MAST4: variants seen among roughly 807,000 people sequenced by gnomAD.
MAST4 encodes the protein microtubule-associated serine/threonine-protein kinase 4.
In MAST4, 89 loss-of-function variants were observed where a neutral mutation model predicts 162.7. The ratio of observed to expected loss-of-function variants is 0.55; its 90% confidence interval spans 0.46 to 0.65. The LOEUF is 0.65. Ranked by LOEUF, MAST4 falls within the 30% of genes least tolerant of loss-of-function variation. The pLI is 0.00. For synonymous variants in MAST4, 1,479 were observed against 1,361.1 expected (o/e 1.09, Z -1.91); for missense variants, 3,153 against 3,374.0 (o/e 0.93, Z 1.62).
Position 67,130,361 on chromosome 5 carries a change from A to G in MAST4, c.1897A>G (p.Met633Val). 1 of 1,614,010 alleles carries G rather than the reference A, an allele frequency of 6.2e-7. No homozygotes were observed. The highest frequency in any genetic ancestry group is 1.3e-5 in the African/African-American group (1 of 75,044). ...TFAENPFVVS[M>V]YCSFETRRHL... Reference sequence around the variant, plus strand: ...TGCAGAAAACCCCTTTGTTGTCAGCATGTATTGCTCCTTTGAAACAAGGCG... The same window carrying G: ...TGCAGAAAACCCCTTTGTTGTCAGCGTGTATTGCTCCTTTGAAACAAGGCG... Residue 633 changes from methionine to valine, a missense_variant, in exon 15 of 29, where the codon ATG (methionine) becomes GTG (valine). By Grantham distance (21) the Met-to-Val change is conservative. This residue lies in a region of MAST4 where 131 missense variants were observed against 253.8 expected (regional missense o/e 0.52). Transcript: ENST00000403625.
chr5:66,610,030 C>G (rs1373196507), intron 1 of MAST4, among the ~76,000 whole-genome samples: 2 of 151,956 alleles, frequency 1.3e-5, no homozygotes, highest in Non-Finnish European at 2.9e-5. Context: ...TAGGTTGGTG[C>G]AAAATTATTT....
intron 4 of MAST4, among the ~76,000 whole-genome samples, chr5:66,956,676 T>A (rs534170533): frequency 6.6e-6 from 1 of 152,330 alleles, no homozygotes; most frequent in Admixed American, 6.5e-5. Flanking sequence ...ACATTTGATG[T>A]GTTGTAATAC....
At chr5:66,880,009 T>C (rs1359900062) in intron 3 of MAST4, among the ~76,000 whole-genome samples, 1 of 152,222 alleles carries the variant, frequency 6.6e-6, no homozygotes, top group African/African-American at 2.4e-5. Flanking sequence ...TCCTTTTTAA[T>C]AGCAAAAGAT....
In MAST4 at chr5:67,049,060, C is replaced by CATAT. The variant is rs1554087472; in HGVS notation, c.675-5344_675-5343insATAT. On this transcript the variant is annotated intron_variant, in intron 4 of 28. Transcript: ENST00000403625. Reference sequence around the variant, plus strand: ...ATATATACGTGTATATATATATATACGTATATATATATATATATACACTAC... The same window carrying CATAT: ...ATATATACGTGTATATATATATATACATATGTATATATATATATATATACACTAC... 2.8e-4 allele frequency among the ~76,000 whole-genome samples: 23 copies of CATAT among 82,830 alleles called. 1 individual carries two copies. The highest frequency in any genetic ancestry group is 1.3e-3 in the African/African-American group (21 of 16,226). The allele number at this position is 82,830 out of a possible 152,430, so 54.3% of individuals were successfully genotyped here. A position where few individuals can be genotyped will look rare whatever the true frequency, so the allele number is the denominator to read the frequency against.
rs149079990 is a variant in MAST4, at chr5:67,136,429, A to G, written c.2393-134A>G. 8.0e-3 allele frequency: 4,877 copies of G among 610,102 alleles called. 49 individuals carry two copies. The highest frequency in any genetic ancestry group is 9.0e-3 in the Non-Finnish European group (3,022 of 335,176). 37.8% of individuals were successfully genotyped at this position (610,102 alleles called of 1,614,324 possible). On this transcript the variant is annotated intron_variant, in intron 18 of 28. Coordinates refer to ENST00000403625, the MANE Select transcript of MAST4 (RefSeq NM_001164664.2). ...TCGACTGAAGATCTTGTTGAAAGGCAGACTCTGATTTAGTAGGTCCGGAGT... is the reference window on the plus strand; with the variant it reads ...TCGACTGAAGATCTTGTTGAAAGGCGGACTCTGATTTAGTAGGTCCGGAGT...
intron 3 of MAST4, among the ~76,000 whole-genome samples, chr5:66,847,848 A>AAAAAAAAAAAAAAAAAAAAAAAAAAC (rs1451148840): frequency 6.6e-6 from 1 of 151,568 alleles, no homozygotes; most frequent in South Asian, 2.1e-4. Context: ...AAAAAAGAAA[A>AAAAAAAAAAAAAAAAAAAAAAAAAAC]ACCTTAACAG....
intron 1 of MAST4, among the ~76,000 whole-genome samples, chr5:66,739,504 C>A (rs186627905): frequency 6.6e-6 from 1 of 152,318 alleles, no homozygotes; most frequent in African/African-American, 2.4e-5. Flanking sequence ...GACCTCCTCT[C>A]TTTTCACATA....
chr5:66,957,070 T>C (rs1745402993), intron 4 of MAST4, among the ~76,000 whole-genome samples: 2 of 151,476 alleles, frequency 1.3e-5, no homozygotes, highest in South Asian at 2.1e-4. Context: ...GAAAATGTAT[T>C]GTAGTCCATT....
chr5:66,665,678 A>G (rs1747209159), intron 1 of MAST4, among the ~76,000 whole-genome samples: 1 of 152,186 alleles, frequency 6.6e-6, no homozygotes, highest in Admixed American at 6.5e-5. Context: ...AAGACGGGCA[A>G]CTTGGGAGAC....
rs564990842 is a variant in MAST4, at chr5:66,669,834, C to T, written c.363+72816C>T. Among the ~76,000 whole-genome samples the T allele has an allele frequency of 5.9e-4, 89 of 152,114 alleles. 1 individual carries two copies. Among genetic ancestry groups the T allele is most frequent in the African/African-American group, 2.0e-3 (84 of 41,510 alleles). On this transcript the variant is annotated intron_variant, in intron 1 of 28. Transcript: ENST00000403625. Reference sequence around the variant, plus strand: ...GCTTTTGGGCTGGGTTACTGGGTGTCGGCATTTGAAAGGTGACATTTGAGG... The same window carrying T: ...GCTTTTGGGCTGGGTTACTGGGTGTTGGCATTTGAAAGGTGACATTTGAGG...
intron 4 of MAST4, among the ~76,000 whole-genome samples, chr5:67,000,972 C>T (rs1736392248): frequency 6.6e-6 from 1 of 152,066 alleles, no homozygotes; most frequent in Middle Eastern, 3.2e-3. Context: ...CAATGTCATC[C>T]TGATTAAATG....
chr5:66,939,849 G>A (rs1317691371), intron 4 of MAST4, among the ~76,000 whole-genome samples: 2 of 151,880 alleles, frequency 1.3e-5, no homozygotes, highest in African/African-American at 4.8e-5. Context: ...GCATATAAAA[G>A]CTATGTGTAA....
intron 23 of MAST4, among the ~76,000 whole-genome samples, chr5:67,146,738 C>G (rs181747491): frequency 9.2e-5 from 14 of 152,250 alleles, no homozygotes; most frequent in Admixed American, 5.2e-4. Context: ...TCTGTCTTCA[C>G]TTCAGTTCTG....
intron 4 of MAST4, among the ~76,000 whole-genome samples, chr5:67,051,343 G>A (rs1390674529): frequency 6.6e-6 from 1 of 152,070 alleles, no homozygotes; most frequent in Admixed American, 6.6e-5. Context: ...TGACGTGCAG[G>A]TGCCATAAAC....
At chr5:67,030,497 AACT>A (rs1448594227) in intron 4 of MAST4, among the ~76,000 whole-genome samples, 1 of 152,190 alleles carries the variant, frequency 6.6e-6, no homozygotes, top group Non-Finnish European at 1.5e-5. Context: ...GTGACATTTT[AACT>A]CAGAAAATAA....
chr5:67,116,318 G>T (rs1766907056), intron 12 of MAST4, among the ~76,000 whole-genome samples: 1 of 151,818 alleles, frequency 6.6e-6, no homozygotes, highest in Non-Finnish European at 1.5e-5. Context: ...TGATTCTCCT[G>T]CCTCAGCCTC....
At position 67,168,625 on chromosome 5, in the gene MAST4, C is replaced by T. The variant is rs1319444768; in HGVS notation, c.*1574C>T. On this transcript the variant is annotated 3_prime_UTR_variant, in exon 29 of 29. Transcript: ENST00000403625. ...AATACAGATAAGTATTTATAAGTTG[C>T]TTGGGAACCATAGCAGAATTTTTTG... The T allele has an allele frequency of 6.6e-6, 1 of 152,098 alleles. No homozygotes were observed. Among genetic ancestry groups the T allele is most frequent in the Admixed American group, 6.5e-5 (1 of 15,276 alleles). 9.4% of individuals were successfully genotyped at this position (152,098 alleles called of 1,614,324 possible).
At chr5:66,758,290 G>A (rs1753666197) in intron 1 of MAST4, among the ~76,000 whole-genome samples, 2 of 151,822 alleles carry the variant, frequency 1.3e-5, no homozygotes, top group African/African-American at 2.4e-5. Flanking sequence ...AGCCGATGAG[G>A]TCTGTTCTAT....
At chr5:67,084,855 G>A (rs893272963) in intron 5 of MAST4, among the ~76,000 whole-genome samples, 1 of 152,088 alleles carries the variant, frequency 6.6e-6, no homozygotes, top group Non-Finnish European at 1.5e-5. Context: ...AATTCATTAT[G>A]CACTAAATAA....
Sources: allele counts gnomAD v4.1 joint callset (sites outside exome capture counted in the v4.1 genomes callset), GRCh38; gene constraint gnomAD v4.1.1; regional missense constraint gnomAD v4.1.1; transcripts MANE v1.5; gene names NCBI Gene and HGNC (gene_info 2026-07-23, HGNC 2026-07-21).